KPNA4: variants seen among roughly 807,000 people sequenced by gnomAD.
The protein encoded by KPNA4 is importin subunit alpha-3.
KPNA4 carries 13 observed loss-of-function variants against 71.3 expected under a neutral mutation model. The ratio of observed to expected loss-of-function variants is 0.18; its 90% confidence interval spans 0.12 to 0.29. The LOEUF is 0.29. Ranked by LOEUF, KPNA4 falls within the 10% of genes least tolerant of loss-of-function variation. The pLI is 1.00. For missense variants in KPNA4, 334 were observed against 603.2 expected, an observed-to-expected ratio of 0.55 and a Z score of 4.67; for synonymous variants, 189 against 195.2, an observed-to-expected ratio of 0.97 and a Z score of 0.26.
At position 160,535,694 on chromosome 3, in the gene KPNA4, G is replaced by C. The variant is rs773121764; in HGVS notation, c.205-4C>G. The C allele has an allele frequency of 3.8e-6, 6 of 1,566,878 alleles. No individual in the cohort carries two copies. The highest frequency in any genetic ancestry group is 4.4e-5 in the Admixed American group (2 of 45,482). On this transcript the variant is annotated splice_polypyrimidine_tract_variant and splice_region_variant and intron_variant, in intron 3 of 16. Transcript: ENST00000334256. ...TAGCTTCTAGAGAGGTATTTTGCTG[G>C]GAAAAAAGTTAAAGAGAAAACTCAG...
At chr3:160,517,935 G>A (rs528436372) in intron 11 of KPNA4, among the ~76,000 whole-genome samples, 4 of 152,028 alleles carry the variant, frequency 2.6e-5, no homozygotes, top group Admixed American at 2.0e-4. Context: ...CTTTCTTGAT[G>A]GTGTTCTTTG....
Position 160,530,932 on chromosome 3 carries a change from A to G in KPNA4, c.392T>C (p.Leu131Ser), listed in dbSNP as rs773251897. The G allele has an allele frequency of 2.5e-6, 4 of 1,605,220 alleles. No individual in the cohort carries two copies. Among genetic ancestry groups the G allele is most frequent in the South Asian group, 1.1e-5 (1 of 88,600 alleles). ...CAAAGCCCATGCAGCTTCAAACTGT[A>G]AAGAAGGACTACAAAAAAAAACAAG... ...HCLERDDNPS[L>S]QFEAAWALTN... The change falls in exon 7 of 17, where the codon TTA becomes TCA. Residue 131 changes from leucine (L) to serine (S), a missense_variant. Transcript: ENST00000334256.
At chr3:160,504,091 A>G (rs960877590) in intron 16 of KPNA4, among the ~76,000 whole-genome samples, 2 of 152,182 alleles carry the variant, frequency 1.3e-5, no homozygotes, top group African/African-American at 4.8e-5. Flanking sequence ...AAGAAAGAAA[A>G]AAAACTTTTC....
chr3:160,541,017 T>G (rs1326755639), intron 1 of KPNA4, among the ~76,000 whole-genome samples: 1 of 152,240 alleles, frequency 6.6e-6, no homozygotes. Context: ...GAATGCAGTT[T>G]GTGTATTTAA....
rs746625510 is a variant in KPNA4, at chr3:160,531,433, A to T, written c.383+29T>A. 1.5e-4 allele frequency: 51 copies of T among 333,868 alleles called. No homozygotes were observed. The Middle Eastern group carries it at 3.8e-3, about 25-fold the overall frequency. 20.7% of individuals were successfully genotyped at this position (333,868 alleles called of 1,614,324 possible). On this transcript the variant is annotated intron_variant, in intron 6 of 16. Transcript: ENST00000334256. ...TTCTCCAAAGGATACATTCTAAATT[A>T]AAAAAAAAAAAATAAATAATGTACT...
chr3:160,513,159 C>T (rs2108545337), intron 13 of KPNA4, among the ~76,000 whole-genome samples: 1 of 150,882 alleles, frequency 6.6e-6, no homozygotes, highest in Middle Eastern at 3.4e-3. Context: ...ACTCGATTTA[C>T]AGGAAACACA....
Position 160,544,615 on chromosome 3 carries a change from T to C in KPNA4, c.70-7775A>G, listed in dbSNP as rs547513696. Among the ~76,000 whole-genome samples, 24 of 152,226 alleles carry C rather than the reference T, an allele frequency of 1.6e-4. No individual in the cohort carries two copies. The South Asian group carries it at 5.0e-3, about 32-fold the overall frequency. ...ACAGAAGAAATAAAATTTCACAAAC[T>C]GTTTGAGTGACTTGAAGAAAACTCA... On this transcript the variant is annotated intron_variant, in intron 1 of 16. Coordinates refer to ENST00000334256, the MANE Select transcript of KPNA4 (RefSeq NM_002268.5).
In KPNA4 at chr3:160,497,398, CGA is replaced by C. The variant is rs1202439774; in HGVS notation, c.*4704_*4705del. On this transcript the variant is annotated 3_prime_UTR_variant, in exon 17 of 17. Coordinates refer to ENST00000334256, the MANE Select transcript of KPNA4 (RefSeq NM_002268.5). ...CTACACTCCAGCCTGGGCCACAGAG[CGA>C]GACTGTGTCTCAAAAAAATAAAAAT... 1 of 152,058 alleles carries C rather than the reference CGA, an allele frequency of 6.6e-6. No individual in the cohort carries two copies. The highest frequency in any genetic ancestry group is 1.5e-5 in the Non-Finnish European group (1 of 68,020). 9.4% of individuals were successfully genotyped at this position (152,058 alleles called of 1,614,324 possible). A position where few individuals can be genotyped will look rare whatever the true frequency, so the allele number is the denominator to read the frequency against.
intron 13 of KPNA4, among the ~76,000 whole-genome samples, chr3:160,512,834 A>C (rs1032261860): frequency 2.0e-5 from 3 of 152,150 alleles, no homozygotes; most frequent in African/African-American, 7.2e-5. Context: ...TCTAAAAAAA[A>C]ACAACAAAAC....
chr3:160,559,323 A>G (rs1722199591), intron 1 of KPNA4, among the ~76,000 whole-genome samples: 1 of 152,208 alleles, frequency 6.6e-6, no homozygotes, highest in Admixed American at 6.5e-5. Context: ...TTAGAATTTT[A>G]GAAAACTTGT....
intron 11 of KPNA4, among the ~76,000 whole-genome samples, chr3:160,516,183 G>C (rs1721216863): frequency 6.7e-6 from 1 of 150,018 alleles, no homozygotes; most frequent in Non-Finnish European, 1.5e-5. Context: ...GGAGAGATGG[G>C]GTTTTGCCAC....
Position 160,496,476 on chromosome 3 carries a change from T to C in KPNA4, c.*5628A>G, listed in dbSNP as rs1246772472. ...TTTCAAAGTAAGAGTAAAAACAGGC[T>C]GGAGAAAATCTTGGGTAATATTAGA... is the stretch of plus-strand genomic sequence containing the variant. On this transcript the variant is annotated 3_prime_UTR_variant, in exon 17 of 17. Coordinates refer to ENST00000334256, the MANE Select transcript of KPNA4 (RefSeq NM_002268.5). 1.3e-5 allele frequency: 2 copies of C among 152,154 alleles called. No homozygotes were observed. Among genetic ancestry groups the C allele is most frequent in the African/African-American group, 4.8e-5 (2 of 41,446 alleles). The allele number at this position is 152,154 out of a possible 1,614,324, so 9.4% of individuals were successfully genotyped here. A position where few individuals can be genotyped will look rare whatever the true frequency, so the allele number is the denominator to read the frequency against.
At chr3:160,556,492 T>C (rs1722139535) in intron 1 of KPNA4, among the ~76,000 whole-genome samples, 1 of 152,224 alleles carries the variant, frequency 6.6e-6, no homozygotes, top group Non-Finnish European at 1.5e-5. Context: ...TTTTTATTTG[T>C]TTATTGGTCT....
intron 7 of KPNA4, 53 bp from the exon 8 acceptor site, chr3:160,528,092 A>T: frequency 7.2e-7 from 1 of 1,383,904 alleles, no homozygotes; most frequent in Non-Finnish European, 1.0e-6. Flanking sequence ...ATAAACCAAA[A>T]ATCAATCTTT....
Position 160,553,738 on chromosome 3 carries a change from A to G in KPNA4, c.69+11476T>C, listed in dbSNP as rs1722084741. 3.3e-5 allele frequency among the ~76,000 whole-genome samples: 5 copies of G among 152,236 alleles called. No individual in the cohort carries two copies. In the South Asian group the frequency reaches 1.0e-3, roughly 32 times the overall value. ...AAACTTACCTAATGGCAAATAACGAAAGAGATGCAATCCTAGGTGTTCCCA... is the reference window on the plus strand; with the variant it reads ...AAACTTACCTAATGGCAAATAACGAGAGAGATGCAATCCTAGGTGTTCCCA... On this transcript the variant is annotated intron_variant, in intron 1 of 16. Transcript: ENST00000334256.
chr3:160,495,130 G>C lies in KPNA4; in HGVS notation c.*6974C>G, dbSNP rs941284166. ...TTACAATCTAGTGGAAAGAAAGACG[G>C]AGAAACTCAGATGTGATAGAGCAAT... On this transcript the variant is annotated 3_prime_UTR_variant, in exon 17 of 17. Coordinates refer to ENST00000334256, the MANE Select transcript of KPNA4 (RefSeq NM_002268.5). 1 of 152,162 alleles carries C rather than the reference G, an allele frequency of 6.6e-6. No individual in the cohort carries two copies. Among genetic ancestry groups the C allele is most frequent in the African/African-American group, 2.4e-5 (1 of 41,412 alleles). 9.4% of individuals were successfully genotyped at this position (152,162 alleles called of 1,614,324 possible). A position where few individuals can be genotyped will look rare whatever the true frequency, so the allele number is the denominator to read the frequency against.
Position 160,521,893 on chromosome 3 carries a change from G to C in KPNA4, c.789C>G (p.Val263=). Residue 263 remains valine (V), a synonymous_variant, in exon 11 of 17, where the codon GTC becomes GTG. Transcript: ENST00000334256. The part of the protein sequence containing the change: ...HTDVNILVDT[V]WALSYLTDAG... ...CATCAGTAAGGTAAGAGAGGGCCCA[G>C]ACTGTGTCTACCAGTATCTAATGAA... 6.2e-7 allele frequency: 1 copy of C among 1,612,108 alleles called. No homozygotes were observed. The highest frequency in any genetic ancestry group is 2.2e-5 in the East Asian group (1 of 44,836).
rs907739502 is a variant in KPNA4, at chr3:160,499,616, G to A, written c.*2488C>T. On this transcript the variant is annotated 3_prime_UTR_variant, in exon 17 of 17. Transcript: ENST00000334256. The stretch of plus-strand genomic sequence containing the variant: ...AATGTTCTATATTAGGCTATAGATG[G>A]AAATAAAATATTTAAACGATAAGGT... The A allele has an allele frequency of 1.3e-5, 2 of 152,014 alleles. No individual in the cohort carries two copies. Among genetic ancestry groups the A allele is most frequent in the African/African-American group, 4.8e-5 (2 of 41,382 alleles). 9.4% of individuals were successfully genotyped at this position (152,014 alleles called of 1,614,324 possible).
intron 13 of KPNA4, among the ~76,000 whole-genome samples, chr3:160,513,860 C>A (rs1376840983): frequency 6.6e-6 from 1 of 152,074 alleles, no homozygotes; most frequent in African/African-American, 2.4e-5. Context: ...AAGAATGATA[C>A]ACAGAAAGGG....
Sources: gnomAD v4.1 joint callset for allele counts (sites outside exome capture counted in the v4.1 genomes callset) on GRCh38, gnomAD v4.1.1 for gene constraint, MANE v1.5 for transcripts, NCBI Gene and HGNC (gene_info 2026-07-23, HGNC 2026-07-21) for gene names.